AGBL4: variants seen among roughly 807,000 people sequenced by gnomAD.
The protein encoded by AGBL4 is cytosolic carboxypeptidase 6.
In AGBL4, 58 loss-of-function variants were observed where a neutral mutation model predicts 66.4. The observed-to-expected ratio is 0.87, with a 90% confidence interval of 0.71 to 1.09. The LOEUF is 1.09. AGBL4 is among the 50% of genes least tolerant of loss of function. The pLI is 0.00. For missense variants in AGBL4, 579 were observed against 631.0 expected (o/e 0.92, Z 0.88); for synonymous variants, 234 against 222.9 (o/e 1.05, Z -0.44).
chr1:49,869,856 A>G (rs10736388), intron 1 of AGBL4, among the ~76,000 whole-genome samples: 104,065 of 152,072 alleles, frequency 0.68, 36,330 homozygotes, highest in African/African-American at 0.77. Context: ...GTTAATTAAT[A>G]AGTGCAAACA....
intron 4 of AGBL4, among the ~76,000 whole-genome samples, chr1:49,057,428 A>G (rs1027664295): frequency 6.6e-6 from 1 of 152,182 alleles, no homozygotes; most frequent in Admixed American, 6.5e-5. Context: ...AACAAAAAAG[A>G]AAAAGAAAAA....
At chr1:49,221,550 A>T (rs188727471) in intron 4 of AGBL4, among the ~76,000 whole-genome samples, 1 of 152,330 alleles carries the variant, frequency 6.6e-6, no homozygotes, top group East Asian at 1.9e-4. Context: ...ATAGCCATGA[A>T]CTTCTCTTGC....
At chr1:49,499,080 G>A (rs780479335) in intron 3 of AGBL4, among the ~76,000 whole-genome samples, 5 of 151,980 alleles carry the variant, frequency 3.3e-5, no homozygotes, top group Non-Finnish European at 5.9e-5. Context: ...TGTAAAATGA[G>A]TATGGAACTA....
intron 6 of AGBL4, among the ~76,000 whole-genome samples, chr1:48,811,203 T>C (rs541275348): frequency 5.9e-4 from 90 of 152,030 alleles, no homozygotes; most frequent in Non-Finnish European, 8.4e-4. Context: ...TGGTGGATGC[T>C]AGATGGAGCA....
At chr1:49,521,838 C>T (rs1390288969) in intron 3 of AGBL4, among the ~76,000 whole-genome samples, 1 of 151,992 alleles carries the variant, frequency 6.6e-6, no homozygotes. Context: ...AGTGTCTTCA[C>T]AGCAAAATAA....
intron 3 of AGBL4, among the ~76,000 whole-genome samples, chr1:49,516,308 G>A (rs1649819006): frequency 6.6e-6 from 1 of 152,120 alleles, no homozygotes; most frequent in Middle Eastern, 3.4e-3. Context: ...GATCACATAA[G>A]AGGGACAACT....
chr1:49,494,940 CCTGA>C (rs1434765741), intron 3 of AGBL4, among the ~76,000 whole-genome samples: 2 of 151,982 alleles, frequency 1.3e-5, no homozygotes, highest in East Asian at 3.9e-4. Flanking sequence ...GCACCTGTTT[CCTGA>C]CTTTTAGTAC....
At chr1:49,111,215 G>A (rs1044536085) in intron 4 of AGBL4, among the ~76,000 whole-genome samples, 1 of 150,888 alleles carries the variant, frequency 6.6e-6, no homozygotes, top group Non-Finnish European at 1.5e-5. Context: ...CCAGGTTCAC[G>A]CCATTCTCCT....
chr1:49,100,831 G>A (rs1318750462), intron 4 of AGBL4, among the ~76,000 whole-genome samples: 1 of 152,172 alleles, frequency 6.6e-6, no homozygotes, highest in African/African-American at 2.4e-5. Flanking sequence ...CTCTGTGCTA[G>A]GCATTTTACA....
intron 4 of AGBL4, among the ~76,000 whole-genome samples, chr1:49,159,391 C>A (rs745385798): frequency 6.6e-6 from 1 of 152,106 alleles, no homozygotes; most frequent in Non-Finnish European, 1.5e-5. Flanking sequence ...AATATTGGCC[C>A]GCACTCTCTT....
intron 5 of AGBL4, among the ~76,000 whole-genome samples, chr1:48,995,541 G>A (rs1004553248): frequency 2.6e-5 from 4 of 152,184 alleles, no homozygotes; most frequent in Non-Finnish European, 5.9e-5. Context: ...AATGAAATAA[G>A]TTCAGCTACT....
intron 3 of AGBL4, among the ~76,000 whole-genome samples, chr1:49,531,100 T>G (rs1005723026): frequency 6.6e-6 from 1 of 152,130 alleles, no homozygotes; most frequent in Non-Finnish European, 1.5e-5. Context: ...GTATTTTTAT[T>G]TTCTAATTTT....
intron 3 of AGBL4, among the ~76,000 whole-genome samples, chr1:49,282,529 G>A (rs550987256): frequency 1.1e-3 from 167 of 152,314 alleles, no homozygotes; most frequent in African/African-American, 3.7e-3. Context: ...CAAGATGGCC[G>A]AATAGGAACA....
intron 3 of AGBL4, among the ~76,000 whole-genome samples, chr1:49,316,200 T>A (rs1180620438): frequency 6.6e-6 from 1 of 152,008 alleles, no homozygotes; most frequent in Non-Finnish European, 1.5e-5. Flanking sequence ...ATATATGTTA[T>A]CATACATTTG....
intron 6 of AGBL4, among the ~76,000 whole-genome samples, chr1:48,689,458 C>T (rs138044950): frequency 0.05 from 7,501 of 149,820 alleles, 611 homozygotes; most frequent in African/African-American, 0.17. Context: ...CCCTCCCTCC[C>T]TCCTTCCTTC....
At chr1:49,305,252 T>A (rs1184097657) in intron 3 of AGBL4, among the ~76,000 whole-genome samples, 1 of 152,192 alleles carries the variant, frequency 6.6e-6, no homozygotes, top group Non-Finnish European at 1.5e-5. Context: ...ATGTAATGAG[T>A]TATGTACATA....
At chr1:49,825,062 C>T (rs1645472584) in intron 2 of AGBL4, among the ~76,000 whole-genome samples, 1 of 152,172 alleles carries the variant, frequency 6.6e-6, no homozygotes, top group African/African-American at 2.4e-5. Context: ...GTCACCCAAC[C>T]TGTTACAGCT....
At position 49,676,505 on chromosome 1, in the gene AGBL4, A is replaced by T. The variant is rs180869913; in HGVS notation, c.282+20808T>A. Among the ~76,000 whole-genome samples, 35 of 152,176 alleles carry T rather than the reference A, an allele frequency of 2.3e-4. No individual in the cohort carries two copies. In the East Asian group the frequency reaches 5.8e-3, roughly 25 times the overall value. ...GGAAAGATAATTTTATTCTTTCTCT[A>T]CTTAGGTTGTCATACACTTTGCTCA... On this transcript the variant is annotated intron_variant, in intron 3 of 13. Coordinates refer to ENST00000371839, the MANE Select transcript of AGBL4 (RefSeq NM_032785.4).
At chr1:48,539,459 C>T (rs1644026355) in intron 12 of AGBL4, among the ~76,000 whole-genome samples, 183 bp downstream of exon 12, 1 of 152,084 alleles carries the variant, frequency 6.6e-6, no homozygotes, top group African/African-American at 2.4e-5. Context: ...CCCTTAATGA[C>T]ACTTTCTTTA....
Sources: gnomAD v4.1 joint callset for allele counts (sites outside exome capture counted in the v4.1 genomes callset) on GRCh38, gnomAD v4.1.1 for gene constraint, MANE v1.5 for transcripts, NCBI Gene and HGNC (gene_info 2026-07-23, HGNC 2026-07-21) for gene names.